Variants in UNC13C observed in about 807,000 individuals in gnomAD.
The protein encoded by UNC13C is protein unc-13 homolog C.
UNC13C carries 174 observed loss-of-function variants against 245.4 expected under a neutral mutation model. The observed-to-expected ratio is 0.71, with a 90% CI of 0.63 to 0.80. The LOEUF (loss-of-function observed/expected upper bound fraction) is 0.80. Among genes scored for constraint, UNC13C ranks in the 30% least tolerant of loss-of-function variants. The probability of loss-of-function intolerance (pLI) is 0.00; values close to 1 mark genes in which losing one functional copy is unlikely to be tolerated. For missense variants in UNC13C, 2,829 were observed against 2,602.9 expected, an observed-to-expected ratio of 1.09 and a Z score of -1.89; for synonymous variants, 992 against 895.1, an observed-to-expected ratio of 1.11 and a Z score of -1.93.
intron 19 of UNC13C, among the ~76,000 whole-genome samples, chr15:54,476,568 G>C (rs76223572): frequency 0.44 from 66,209 of 149,494 alleles, 15,063 homozygotes; most frequent in East Asian, 0.71. Context: ...AATAGGGAAT[G>C]CTTTCCCCAT....
At chr15:54,583,424 G>C (rs572819159) in intron 30 of UNC13C, among the ~76,000 whole-genome samples, 2 of 152,014 alleles carry the variant, frequency 1.3e-5, no homozygotes, top group East Asian at 1.9e-4. Flanking sequence ...AACAAAAACA[G>C]TTTCACACCT....
intron 24 of UNC13C, among the ~76,000 whole-genome samples, chr15:54,520,138 C>A (rs1895153690): frequency 6.6e-6 from 1 of 152,028 alleles, no homozygotes; most frequent in East Asian, 1.9e-4. Flanking sequence ...AATAGGAACA[C>A]AATGTGTAGA....
rs116411194 is a variant in UNC13C at position 54,312,833 on chromosome 15, C to T, written c.4269-9106C>T. ...TCTAGAAATACCCTCCCATTCCTCT[C>T]TGTCAGGTTAGTGTTTTAGGAGTTT... is the stretch of plus-strand genomic sequence containing the variant. On this transcript the variant is annotated intron_variant, in intron 13 of 32. Transcript: ENST00000260323. 4.5e-3 allele frequency among the ~76,000 whole-genome samples: 688 copies of T among 151,930 alleles called. 7 individuals carry two copies. Among genetic ancestry groups the T allele is most frequent in the African/African-American group, 0.016 (669 of 41,494 alleles).
At chr15:54,385,384 CA>C (rs2039815801) in intron 17 of UNC13C, among the ~76,000 whole-genome samples, 1 of 150,702 alleles carries the variant, frequency 6.6e-6, no homozygotes, top group Non-Finnish European at 1.5e-5. Context: ...GAAATCATGT[CA>C]TTTTCAGTCA....
In UNC13C at chr15:54,151,401, C is replaced by G. The variant is rs564527444; in HGVS notation, c.3071+7717C>G. On this transcript the variant is annotated intron_variant, in intron 4 of 32. Transcript: ENST00000260323. Reference sequence around the variant, plus strand: ...AATTTTACTCATTATATGAAAACTACTCTTTTATTCCTTTTTTTTCTGAGA... The same window carrying G: ...AATTTTACTCATTATATGAAAACTAGTCTTTTATTCCTTTTTTTTCTGAGA... 3.3e-5 allele frequency among the ~76,000 whole-genome samples: 5 copies of G among 152,140 alleles called. No individual in the cohort carries two copies. The East Asian group carries it at 7.8e-4, about 24-fold the overall frequency.
At chr15:54,587,247 T>G (rs1388014887) in intron 30 of UNC13C, among the ~76,000 whole-genome samples, 6 of 150,526 alleles carry the variant, frequency 4.0e-5, no homozygotes, top group African/African-American at 1.2e-4. Flanking sequence ...CAAACTGTTG[T>G]GTCATGTTGA....
At chr15:54,591,409 C>T (rs138785895) in intron 30 of UNC13C, among the ~76,000 whole-genome samples, 11 of 152,194 alleles carry the variant, frequency 7.2e-5, no homozygotes, top group African/African-American at 2.2e-4. Flanking sequence ...GCTGTGAATC[C>T]ATCTGGTCCT....
chr15:54,178,290 C>T (rs2033682998), intron 4 of UNC13C, among the ~76,000 whole-genome samples: 1 of 152,062 alleles, frequency 6.6e-6, no homozygotes, highest in Non-Finnish European at 1.5e-5. Context: ...CTCCCCATAT[C>T]TTCTCTCCAC....
chr15:53,862,551 C>G, the UNC13C span, among the ~76,000 whole-genome samples: 1 of 152,096 alleles, frequency 6.6e-6, no homozygotes, highest in Non-Finnish European at 1.5e-5. Flanking sequence ...TGAGAAAACC[C>G]AGGCAGGGTC....
chr15:54,516,624 T>G (rs1273479164), intron 24 of UNC13C, among the ~76,000 whole-genome samples: 1 of 151,716 alleles, frequency 6.6e-6, no homozygotes, highest in East Asian at 1.9e-4. Flanking sequence ...CATGGCAAAA[T>G]CCTGTTTCTA....
intron 19 of UNC13C, among the ~76,000 whole-genome samples, chr15:54,486,164 C>T (rs1893392620): frequency 6.6e-6 from 1 of 151,676 alleles, no homozygotes; most frequent in Non-Finnish European, 1.5e-5. Flanking sequence ...AATCCCAGCA[C>T]TTTGGGAAGC....
At chr15:53,928,278 G>A in the UNC13C span, among the ~76,000 whole-genome samples, 2 of 152,288 alleles carry the variant, frequency 1.3e-5, no homozygotes, top group South Asian at 2.1e-4. Context: ...TATCCCTTAT[G>A]GGAAATGAAG....
At chr15:54,555,839 A>G (rs1480221583) in intron 29 of UNC13C, among the ~76,000 whole-genome samples, 3 of 152,080 alleles carry the variant, frequency 2.0e-5, no homozygotes, top group African/African-American at 4.8e-5. Context: ...TCTCAAAGAC[A>G]TGTACCCTAA....
At chr15:54,117,523 TTCTCTCTCTCTCTCTCTC>T (rs56332846) in intron 2 of UNC13C, among the ~76,000 whole-genome samples, 24 of 102,110 alleles carry the variant, frequency 2.4e-4, no homozygotes, top group South Asian at 1.2e-3. Context: ...ACTATTATGT[TTCTCTCTCTCTCTCTCTC>T]TCTCTCTCTC....
At chr15:54,485,686 G>A (rs1335930094) in intron 19 of UNC13C, among the ~76,000 whole-genome samples, 1 of 152,130 alleles carries the variant, frequency 6.6e-6, no homozygotes, top group African/African-American at 2.4e-5. Flanking sequence ...GACCTAGTCC[G>A]GGTTTCTCTC....
At chr15:53,920,423 G>T in the UNC13C span, among the ~76,000 whole-genome samples, 1 of 152,108 alleles carries the variant, frequency 6.6e-6, no homozygotes. Context: ...GTGTGGTGGT[G>T]TGTGCCTGTA....
intron 30 of UNC13C, among the ~76,000 whole-genome samples, chr15:54,607,635 G>T (rs895822234): frequency 3.9e-5 from 6 of 152,206 alleles, no homozygotes; most frequent in African/African-American, 1.2e-4. Context: ...AATTGACTCA[G>T]TTATGCAGGC....
At chr15:54,121,176 T>A (rs2030641356) in intron 2 of UNC13C, among the ~76,000 whole-genome samples, 2 of 152,146 alleles carry the variant, frequency 1.3e-5, no homozygotes, top group Admixed American at 6.5e-5. Flanking sequence ...TCAATGAATG[T>A]GCCAAGCTTC....
chr15:53,917,771 G>C, the UNC13C span, among the ~76,000 whole-genome samples: 1 of 152,212 alleles, frequency 6.6e-6, no homozygotes, highest in East Asian at 1.9e-4. Flanking sequence ...AGTATTTTAG[G>C]GTTAGGACAA....
Sources: gnomAD v4.1 joint callset for allele counts (sites outside exome capture counted in the v4.1 genomes callset) on GRCh38, gnomAD v4.1.1 for gene constraint, MANE v1.5 for transcripts, NCBI Gene and HGNC (gene_info 2026-07-23, HGNC 2026-07-21) for gene names.